Variants in ZBTB16 observed in about 807,000 individuals in gnomAD.
ZBTB16 encodes zinc finger and BTB domain-containing protein 16.
ZBTB16 carries 8 observed loss-of-function variants against 56.8 expected under a neutral mutation model. That is an observed-to-expected ratio of 0.14 (90% CI 0.08 to 0.25). The LOEUF is 0.25. Ranked by LOEUF, ZBTB16 falls within the 10% of genes least tolerant of loss-of-function variation. The pLI, the probability that ZBTB16 is intolerant of heterozygous loss-of-function variation, is 1.00. For missense variants in ZBTB16, 625 were observed against 903.0 expected (o/e 0.69, Z 3.95); for synonymous variants, 363 against 368.5 (o/e 0.98, Z 0.17).
intron 3 of ZBTB16, among the ~76,000 whole-genome samples, chr11:114,176,833 T>C (rs879055564): frequency 6.6e-6 from 1 of 152,206 alleles, no homozygotes; most frequent in Admixed American, 6.5e-5. Flanking sequence ...TGGAAAATCT[T>C]GGGTGCGCTG....
intron 4 of ZBTB16, among the ~76,000 whole-genome samples, chr11:114,197,042 C>T (rs956860890): frequency 6.6e-6 from 1 of 151,980 alleles, no homozygotes; most frequent in African/African-American, 2.4e-5. Flanking sequence ...GATCAAAGCC[C>T]CTATTTGAAA....
chr11:114,073,077 AGT>A (rs1939409973), intron 2 of ZBTB16, among the ~76,000 whole-genome samples: 1 of 129,350 alleles, frequency 7.7e-6, no homozygotes, highest in Admixed American at 7.7e-5. Flanking sequence ...AAAAAAAAAG[AGT>A]TGTACCAGGA....
chr11:114,157,247 G>A (rs75439147), intron 3 of ZBTB16, among the ~76,000 whole-genome samples: 4,115 of 152,216 alleles, frequency 0.027, 207 homozygotes, highest in African/African-American at 0.094. Context: ...GGCCCTCCAG[G>A]CAGTTTGGCA....
intron 4 of ZBTB16, among the ~76,000 whole-genome samples, chr11:114,227,358 G>A (rs1210031521): frequency 6.6e-6 from 1 of 152,196 alleles, no homozygotes; most frequent in African/African-American, 2.4e-5. Flanking sequence ...CATGCTGACG[G>A]AGCCCCTTAG....
chr11:114,219,095 G>A (rs1015669966), intron 4 of ZBTB16, among the ~76,000 whole-genome samples: 2 of 152,160 alleles, frequency 1.3e-5, no homozygotes, highest in South Asian at 2.1e-4. Context: ...TATGTATAGC[G>A]GGGCTGGGGC....
At chr11:114,235,693 T>TCTATCTA (rs10669266) in intron 4 of ZBTB16, among the ~76,000 whole-genome samples, 4 of 114,388 alleles carry the variant, frequency 3.5e-5, no homozygotes, top group East Asian at 2.8e-4. Context: ...TTTCTTTCTT[T>TCTATCTA]TCTTTCTTTC....
At chr11:114,076,443 C>T (rs993053052) in intron 2 of ZBTB16, among the ~76,000 whole-genome samples, 3 of 152,050 alleles carry the variant, frequency 2.0e-5, no homozygotes, top group Non-Finnish European at 2.9e-5. Flanking sequence ...AAACTGTGTA[C>T]GTCTCAAATT....
chr11:114,120,911 C>G (rs1472676395), intron 2 of ZBTB16, among the ~76,000 whole-genome samples: 1 of 152,150 alleles, frequency 6.6e-6, no homozygotes, highest in African/African-American at 2.4e-5. Flanking sequence ...GTTCCCTCTC[C>G]TGGGAAGCCA....
Position 114,074,021 on chromosome 11 carries a change from A to G in ZBTB16, c.1268+9453A>G, listed in dbSNP as rs118078730. Among the ~76,000 whole-genome samples, 301 of 152,336 alleles carry G rather than the reference A, an allele frequency of 2.0e-3. 11 individuals carry two copies. In the East Asian group the frequency reaches 0.045, roughly 23 times the overall value. ...AGTGCTCCATGGTGAATTTGGGCAA[A>G]TGACTTCACCTCTGTGAAGCAGCAG... On this transcript the variant is annotated intron_variant, in intron 2 of 6. Transcript: ENST00000335953.
intron 3 of ZBTB16, among the ~76,000 whole-genome samples, chr11:114,169,504 G>T (rs893074907): frequency 5.3e-5 from 8 of 152,132 alleles, no homozygotes; most frequent in Non-Finnish European, 1.2e-4. Context: ...GACTACTCTG[G>T]GTCACACGTG....
chr11:114,197,098 C>T (rs932572358), intron 4 of ZBTB16, among the ~76,000 whole-genome samples: 5 of 152,174 alleles, frequency 3.3e-5, no homozygotes, highest in Admixed American at 2.6e-4. Flanking sequence ...AATTAGGGCC[C>T]ACGAGTTCAG....
At chr11:114,208,056 C>T (rs1324822807) in intron 4 of ZBTB16, among the ~76,000 whole-genome samples, 2 of 152,168 alleles carry the variant, frequency 1.3e-5, no homozygotes, top group Non-Finnish European at 2.9e-5. Context: ...GCCTTGCCTG[C>T]CTGGTATTAA....
At position 114,193,735 on chromosome 11, in the gene ZBTB16, G is replaced by A. The variant is rs146047132; in HGVS notation, c.1453+6697G>A. On this transcript the variant is annotated intron_variant, in intron 4 of 6. Coordinates refer to ENST00000335953, the MANE Select transcript of ZBTB16 (RefSeq NM_006006.6). Reference sequence around the variant, plus strand: ...AAAGCCAGGTGGGAGACCAGGTACCGTTGGGAAGCCAACGGGAGAGTAGGT... The same window carrying A: ...AAAGCCAGGTGGGAGACCAGGTACCATTGGGAAGCCAACGGGAGAGTAGGT... Among the ~76,000 whole-genome samples, 775 of 152,288 alleles carry A rather than the reference G, an allele frequency of 5.1e-3. 9 individuals are homozygous for A. Among genetic ancestry groups the A allele is most frequent in the African/African-American group, 0.017 (689 of 41,538 alleles).
chr11:114,200,056 A>G (rs1943701727), intron 4 of ZBTB16, among the ~76,000 whole-genome samples: 1 of 150,292 alleles, frequency 6.7e-6, no homozygotes, highest in Admixed American at 6.7e-5. Flanking sequence ...TGAACCCGGG[A>G]GGCGGAGCTT....
intron 2 of ZBTB16, among the ~76,000 whole-genome samples, chr11:114,126,226 A>G (rs1214685544): frequency 6.6e-6 from 1 of 152,204 alleles, no homozygotes; most frequent in Non-Finnish European, 1.5e-5. Flanking sequence ...GTCTAATGCC[A>G]GCTCTGCCCC....
At chr11:114,106,630 C>A (rs11214868) in intron 2 of ZBTB16, among the ~76,000 whole-genome samples, 2,604 of 152,108 alleles carry the variant, frequency 0.017, 39 homozygotes, top group South Asian at 0.038. Flanking sequence ...ACCACCATGC[C>A]TGGCTAATTT....
intron 2 of ZBTB16, among the ~76,000 whole-genome samples, chr11:114,075,570 C>A (rs1939526507): frequency 6.6e-6 from 1 of 151,290 alleles, no homozygotes; most frequent in Non-Finnish European, 1.5e-5. Context: ...GATTCTCGTG[C>A]CTCAGCCTCC....
rs180954324 is a variant in ZBTB16, at chr11:114,230,066, G to A, written c.1454-12101G>A. Among the ~76,000 whole-genome samples the A allele has an allele frequency of 2.5e-3, 388 of 152,234 alleles. 1 individual carries two copies. The highest frequency in any genetic ancestry group is 1.3e-3 in the Non-Finnish European group (90 of 68,016). On this transcript the variant is annotated intron_variant, in intron 4 of 6. Transcript: ENST00000335953. ...TGAACGTTGGTGGTCCCGCCCTCTCGGTTGAAGCCCAGGTTGGGGCAGTGG... is the reference window on the plus strand; with the variant it reads ...TGAACGTTGGTGGTCCCGCCCTCTCAGTTGAAGCCCAGGTTGGGGCAGTGG...
At chr11:114,193,738 G>A (rs568056575) in intron 4 of ZBTB16, among the ~76,000 whole-genome samples, 5 of 152,264 alleles carry the variant, frequency 3.3e-5, no homozygotes, top group African/African-American at 1.2e-4. Context: ...AGGTACCGTT[G>A]GGAAGCCAAC....
Sources: allele counts gnomAD v4.1 joint callset (sites outside exome capture counted in the v4.1 genomes callset), GRCh38; gene constraint gnomAD v4.1.1; transcripts MANE v1.5; gene names NCBI Gene and HGNC (gene_info 2026-07-23, HGNC 2026-07-21).